Variants in USH2A observed in about 807,000 individuals in gnomAD.
USH2A encodes the protein usherin.
In USH2A, 443 loss-of-function variants were observed where a neutral mutation model predicts 538.9. The ratio of observed to expected loss-of-function variants is 0.82; its 90% CI spans 0.76 to 0.89. The LOEUF is 0.89. Among genes scored for constraint, USH2A ranks in the 40% least tolerant of loss-of-function variants. The pLI, the probability that USH2A is intolerant of heterozygous loss-of-function variation, is 0.00. For missense variants in USH2A, 6,633 were observed against 6,324.8 expected, an observed-to-expected ratio of 1.05 and a Z score of -1.65; for synonymous variants, 2,413 against 2,273.5, an observed-to-expected ratio of 1.06 and a Z score of -1.75.
chr1:215,744,298 C>T (rs905931757), intron 58 of USH2A, among the ~76,000 whole-genome samples: 7 of 152,198 alleles, frequency 4.6e-5, no homozygotes, highest in African/African-American at 1.4e-4. Context: ...CAACAATTGT[C>T]ATTTTTCACC....
intron 34 of USH2A, among the ~76,000 whole-genome samples, chr1:215,998,561 T>C (rs933977596): frequency 6.6e-6 from 1 of 152,118 alleles, no homozygotes. Flanking sequence ...AATAACCTTA[T>C]GAATCCTAGC....
intron 15 of USH2A, among the ~76,000 whole-genome samples, chr1:216,209,698 C>G (rs2035197502): frequency 6.6e-6 from 1 of 152,138 alleles, no homozygotes; most frequent in African/African-American, 2.4e-5. Context: ...CTTCCATAGC[C>G]TTTGCTATTT....
intron 55 of USH2A, among the ~76,000 whole-genome samples, chr1:215,778,666 G>A (rs1476216004): frequency 6.6e-6 from 1 of 152,128 alleles, no homozygotes; most frequent in African/African-American, 2.4e-5. Flanking sequence ...CCTGCAAAAA[G>A]TGCAGTCCAA....
At chr1:215,993,189 C>G in intron 34 of USH2A, 22 bp from the exon 35 acceptor site, 2 of 1,613,958 alleles carry the variant, frequency 1.2e-6, no homozygotes, top group Non-Finnish European at 1.7e-6. Flanking sequence ...TGCAAAAATG[C>G]TCATTTCACT....
chr1:215,765,498 A>G (rs963414731), intron 56 of USH2A, among the ~76,000 whole-genome samples: 1 of 152,168 alleles, frequency 6.6e-6, no homozygotes, highest in Non-Finnish European at 1.5e-5. Flanking sequence ...GGTAATTAAC[A>G]TTGCATTTCT....
At chr1:216,285,625 A>T (rs979779778) in intron 11 of USH2A, among the ~76,000 whole-genome samples, 2 of 152,196 alleles carry the variant, frequency 1.3e-5, no homozygotes, top group African/African-American at 4.8e-5. Flanking sequence ...CAGACCTCAG[A>T]ATGGTAGATC....
intron 11 of USH2A, among the ~76,000 whole-genome samples, chr1:216,271,047 G>T (rs1487711782): frequency 6.6e-6 from 1 of 152,082 alleles, no homozygotes; most frequent in Non-Finnish European, 1.5e-5. Context: ...AACAAATTTT[G>T]TGATACAATA....
In USH2A at chr1:216,064,129, T is replaced by G. The variant is rs546261983; in HGVS notation, c.6049+5972A>C. 9.8e-5 allele frequency among the ~76,000 whole-genome samples: 15 copies of G among 152,314 alleles called. No homozygotes were observed. In the East Asian group the frequency reaches 2.9e-3, roughly 29 times the overall value. On this transcript the variant is annotated intron_variant, in intron 30 of 71. Transcript: ENST00000307340. ...GGCAGCTTGCTGAGCCCTGTCATAC[T>G]GAATTGTTTATTGCTGTGCATCTGT...
rs140368318 is a variant in USH2A, at chr1:215,973,940, T to TCACACACACACACACACA, written c.6806-3182_6806-3165dup. 1.2e-4 allele frequency among the ~76,000 whole-genome samples: 18 copies of TCACACACACACACACACA among 146,288 alleles called. 1 individual carries two copies. Among genetic ancestry groups the TCACACACACACACACACA allele is most frequent in the African/African-American group, 3.8e-4 (15 of 39,546 alleles). ...AAGTCTAACTTTAACATAGGTGAGATCACACACACACACACACACACACAC... is the reference window on the plus strand; with the variant it reads ...AAGTCTAACTTTAACATAGGTGAGATCACACACACACACACACACACACACACACACACACACACACAC... On this transcript the variant is annotated intron_variant, in intron 35 of 71. Coordinates refer to ENST00000307340, the MANE Select transcript of USH2A (RefSeq NM_206933.4).
At chr1:216,156,863 C>T (rs1156335913) in intron 21 of USH2A, among the ~76,000 whole-genome samples, 1 of 151,754 alleles carries the variant, frequency 6.6e-6, no homozygotes. Context: ...AGAACATGAA[C>T]ACATACTTCT....
chr1:215,717,107 G>A (rs1659508480), intron 61 of USH2A, among the ~76,000 whole-genome samples: 1 of 152,168 alleles, frequency 6.6e-6, no homozygotes, highest in African/African-American at 2.4e-5. Context: ...GGGGAATTCA[G>A]AGCCGAGATG....
At chr1:215,712,536 CTG>C (rs1659367345) in intron 61 of USH2A, among the ~76,000 whole-genome samples, 1 of 152,180 alleles carries the variant, frequency 6.6e-6, no homozygotes, top group South Asian at 2.1e-4. Flanking sequence ...CACCAGAACA[CTG>C]TGGATGTTGA....
intron 50 of USH2A, among the ~76,000 whole-genome samples, chr1:215,793,744 A>G (rs1474580664): frequency 6.6e-6 from 1 of 152,182 alleles, no homozygotes; most frequent in Non-Finnish European, 1.5e-5. Context: ...CAGGACATGA[A>G]AACTCAGTCT....
chr1:216,208,601 G>A (rs2035171249), intron 15 of USH2A, among the ~76,000 whole-genome samples: 1 of 152,138 alleles, frequency 6.6e-6, no homozygotes, highest in Non-Finnish European at 1.5e-5. Context: ...CAGAACTGCA[G>A]AGCTCTTTTG....
At chr1:216,150,713 C>T (rs1479304478) in intron 21 of USH2A, among the ~76,000 whole-genome samples, 1 of 152,084 alleles carries the variant, frequency 6.6e-6, no homozygotes, top group Admixed American at 6.5e-5. Context: ...AAAAACCTTT[C>T]TCCTTATATT....
chr1:216,346,584 TG>T (rs967600667), intron 4 of USH2A, among the ~76,000 whole-genome samples: 6 of 152,096 alleles, frequency 3.9e-5, no homozygotes, highest in Non-Finnish European at 7.4e-5. Flanking sequence ...AGCATGCTCT[TG>T]GTCACTTAGA....
intron 11 of USH2A, among the ~76,000 whole-genome samples, chr1:216,285,279 C>T (rs756831186): frequency 1.3e-5 from 2 of 152,186 alleles, no homozygotes; most frequent in Admixed American, 6.5e-5. Flanking sequence ...TGCCGTGTCC[C>T]AACTGCTCCA....
chr1:216,191,314 A>T (rs1166700914), intron 19 of USH2A, among the ~76,000 whole-genome samples: 1 of 152,046 alleles, frequency 6.6e-6, no homozygotes, highest in Non-Finnish European at 1.5e-5. Flanking sequence ...TAACATTTGG[A>T]GTAGTTTTCT....
At chr1:215,727,932 G>T in intron 61 of USH2A, 98 bp downstream of exon 61, 4 of 1,355,180 alleles carry the variant, frequency 3.0e-6, no homozygotes, top group South Asian at 2.4e-5. Flanking sequence ...ATATATTTAA[G>T]CCCTAAGTGA....
Sources: allele counts gnomAD v4.1 joint callset (sites outside exome capture counted in the v4.1 genomes callset), GRCh38; gene constraint gnomAD v4.1.1; transcripts MANE v1.5; gene names NCBI Gene and HGNC (gene_info 2026-07-23, HGNC 2026-07-21).